Variants in TBL1X observed in about 807,000 individuals in gnomAD.
TBL1X encodes the protein F-box-like/WD repeat-containing protein TBL1X.
In TBL1X, 10 loss-of-function variants were observed where a neutral mutation model predicts 50.7. The ratio of observed to expected loss-of-function variants is 0.20; its 90% confidence interval spans 0.12 to 0.33. The LOEUF (loss-of-function observed/expected upper bound fraction) is 0.33, where lower values mean the gene tolerates loss of function less well. Ranked by LOEUF, TBL1X falls within the 10% of genes least tolerant of loss-of-function variation. The pLI, the probability that TBL1X is intolerant of heterozygous loss-of-function variation, is 1.00. For missense variants in TBL1X, 340 were observed against 504.4 expected, an observed-to-expected ratio of 0.67 and a Z score of 3.12; for synonymous variants, 190 against 214.7, an observed-to-expected ratio of 0.88 and a Z score of 1.01.
intron 2 of TBL1X, among the ~76,000 whole-genome samples, chrX:9,509,384 A>T (rs2082043316): frequency 9.3e-6 from 1 of 107,509 alleles, no homozygotes; most frequent in African/African-American, 3.4e-5. Context: ...AAAAAAAAAA[A>T]AGATTTCTAG....
chrX:9,686,377 C>T (rs142968431), intron 6 of TBL1X, among the ~76,000 whole-genome samples: 207 of 112,093 alleles, frequency 1.8e-3, no homozygotes, highest in African/African-American at 6.4e-3. Context: ...AAAGACTGTC[C>T]CATTTGTCAC....
At chrX:9,674,620 G>A (rs1267085334) in intron 5 of TBL1X, among the ~76,000 whole-genome samples, 2 of 99,882 alleles carry the variant, frequency 2.0e-5, no homozygotes, top group Admixed American at 2.2e-4. Flanking sequence ...GGAGTGCAGT[G>A]GCACAATCAT....
rs895586223 is a variant in TBL1X at position 9,719,648 on chromosome X, A to G, written c.*3402A>G. The G allele has an allele frequency of 1.8e-5, 2 of 111,643 alleles. No homozygotes were observed. The highest frequency in any genetic ancestry group is 3.8e-5 in the Non-Finnish European group (2 of 53,087). The allele number at this position is 111,643 out of a possible 1,213,427, so 9.2% of individuals were successfully genotyped here. ...CACGCTCTTTGAAGAAAAAAAAAAA[A>G]ATCACCTTGTGTGTTGTAGCTCATT... On this transcript the variant is annotated 3_prime_UTR_variant, in exon 18 of 18. Transcript: ENST00000645353.
intron 13 of TBL1X, among the ~76,000 whole-genome samples, chrX:9,706,714 C>G (rs988237151): frequency 1.8e-5 from 2 of 111,707 alleles, no homozygotes; most frequent in African/African-American, 6.5e-5. Flanking sequence ...CTTCTGCAAT[C>G]TCCAGTCTGC....
At chrX:9,529,162 G>A (rs910026715) in intron 2 of TBL1X, among the ~76,000 whole-genome samples, 41 of 111,916 alleles carry the variant, frequency 3.7e-4, no homozygotes, top group African/African-American at 1.3e-3. Flanking sequence ...TGTGAACCAC[G>A]GCCCATATTT....
intron 1 of TBL1X, among the ~76,000 whole-genome samples, chrX:9,468,381 T>C (rs1346675834): frequency 1.8e-5 from 2 of 112,476 alleles, no homozygotes; most frequent in Non-Finnish European, 3.8e-5. Context: ...TTTGCCAATG[T>C]CTGGAGACAT....
intron 2 of TBL1X, among the ~76,000 whole-genome samples, chrX:9,526,821 G>T (rs1187606041): frequency 8.9e-6 from 1 of 112,208 alleles, no homozygotes; most frequent in Non-Finnish European, 1.9e-5. Context: ...CATGCTCAGA[G>T]GTAGTCGCGT....
chrX:9,596,889 G>A (rs890434345), intron 2 of TBL1X, among the ~76,000 whole-genome samples: 4 of 111,045 alleles, frequency 3.6e-5, no homozygotes, highest in African/African-American at 6.6e-5. Context: ...TTTCTAGGTC[G>A]TGCTGCTTTA....
chrX:9,655,533 G>A (rs890952470), intron 5 of TBL1X, among the ~76,000 whole-genome samples: 2 of 112,011 alleles, frequency 1.8e-5, no homozygotes, highest in Non-Finnish European at 3.8e-5. Flanking sequence ...ATTCTGAGGT[G>A]CGCTGTTGGT....
chrX:9,535,508 G>A (rs192842212), intron 2 of TBL1X, among the ~76,000 whole-genome samples: 233 of 112,256 alleles, frequency 2.1e-3, no homozygotes, highest in Non-Finnish European at 3.0e-3. Flanking sequence ...GAAAGTCTTC[G>A]GGTGTGTTTG....
At chrX:9,478,667 A>G (rs2081862602) in intron 1 of TBL1X, among the ~76,000 whole-genome samples, 1 of 112,205 alleles carries the variant, frequency 8.9e-6, no homozygotes, top group African/African-American at 3.2e-5. Flanking sequence ...GACATGAACC[A>G]TTGCCAGATT....
chrX:9,715,392 C>G (rs1601860272), intron 17 of TBL1X, among the ~76,000 whole-genome samples: 1 of 111,515 alleles, frequency 9.0e-6, no homozygotes, highest in African/African-American at 3.3e-5. Flanking sequence ...GTGACTGACA[C>G]AAACCTAGAT....
At chrX:9,550,860 G>C (rs146106834) in intron 2 of TBL1X, among the ~76,000 whole-genome samples, 75 of 111,153 alleles carry the variant, frequency 6.7e-4, no homozygotes, top group African/African-American at 2.3e-3. Flanking sequence ...AGCGTCTGGA[G>C]ACATTTTTGG....
intron 5 of TBL1X, among the ~76,000 whole-genome samples, chrX:9,665,492 T>C (rs1256980301): frequency 1.6e-3 from 13 of 8,320 alleles, no homozygotes; most frequent in African/African-American, 6.5e-3. Context: ...ATTCAAGCTA[T>C]ATATATATAT....
At position 9,717,682 on chromosome X, in the gene TBL1X, C is replaced by G. The variant is rs773459167; in HGVS notation, c.*1436C>G. ...GTGTTGGCTACATCTTTCCCACAAC[C>G]GTATAACGACCGATGGTCATTTCTC... On this transcript the variant is annotated 3_prime_UTR_variant, in exon 18 of 18. Coordinates refer to ENST00000645353, the MANE Select transcript of TBL1X (RefSeq NM_005647.4). 8 of 112,524 alleles carry G rather than the reference C, an allele frequency of 7.1e-5. No homozygotes were observed. Among genetic ancestry groups the G allele is most frequent in the African/African-American group, 2.3e-4 (7 of 30,986 alleles). The allele number at this position is 112,524 out of a possible 1,213,427, so 9.3% of individuals were successfully genotyped here. A position where few individuals can be genotyped will look rare whatever the true frequency, so the allele number is the denominator to read the frequency against.
At chrX:9,565,729 G>A (rs746010452) in intron 2 of TBL1X, among the ~76,000 whole-genome samples, 10 of 111,641 alleles carry the variant, frequency 9.0e-5, no homozygotes, top group African/African-American at 3.3e-4. Context: ...CACTGGAGAG[G>A]CTGAGACAGG....
chrX:9,578,837 T>C (rs1162784644), intron 2 of TBL1X, among the ~76,000 whole-genome samples: 2 of 112,186 alleles, frequency 1.8e-5, no homozygotes, highest in Non-Finnish European at 3.8e-5. Context: ...TCAATGAAAA[T>C]CACTTTTATC....
At chrX:9,626,613 T>G (rs761314881) in intron 2 of TBL1X, among the ~76,000 whole-genome samples, 116 of 112,669 alleles carry the variant, frequency 1.0e-3, no homozygotes, top group African/African-American at 3.6e-3. Flanking sequence ...GTGAAATCCC[T>G]GAAGTGTTTG....
rs759133136 is a variant in TBL1X at position 9,573,299 on chromosome X, C to T, written c.-130-66974C>T. Among the ~76,000 whole-genome samples, 3 of 112,352 alleles carry T rather than the reference C, an allele frequency of 2.7e-5. No individual in the cohort carries two copies. In the South Asian group the frequency reaches 1.1e-3, roughly 41 times the overall value. ...ACTACAATTGACAGTGATGGACTGA[C>T]CTTTAATATTTTTTTGTTATGTGAC... On this transcript the variant is annotated intron_variant, in intron 2 of 17. Coordinates refer to ENST00000645353, the MANE Select transcript of TBL1X (RefSeq NM_005647.4).
Sources: allele counts gnomAD v4.1 joint callset (sites outside exome capture counted in the v4.1 genomes callset), GRCh38; gene constraint gnomAD v4.1.1; transcripts MANE v1.5; gene names NCBI Gene and HGNC (gene_info 2026-07-23, HGNC 2026-07-21).